Variants in TRPM3 observed in about 807,000 individuals in gnomAD.
TRPM3 encodes transient receptor potential cation channel subfamily M member 3.
TRPM3 carries 77 observed loss-of-function variants against 181.2 expected under a neutral mutation model. That is an observed-to-expected ratio of 0.42 (90% CI 0.35 to 0.51). The LOEUF is 0.51. TRPM3 is among the 20% of genes least tolerant of loss of function. TRPM3 has a pLI of 0.01. For missense variants in TRPM3, 1,759 were observed against 2,196.7 expected (o/e 0.80, Z 3.98); for synonymous variants, 745 against 796.4 (o/e 0.94, Z 1.09).
intron 1 of TRPM3, among the ~76,000 whole-genome samples, chr9:71,424,959 G>C (rs2093837261): frequency 6.6e-6 from 1 of 152,004 alleles, no homozygotes; most frequent in Admixed American, 6.6e-5. Context: ...AATTCACATA[G>C]AATTCATATT....
intron 8 of TRPM3, among the ~76,000 whole-genome samples, chr9:70,739,749 G>A (rs1199147318): frequency 6.6e-6 from 1 of 151,996 alleles, no homozygotes; most frequent in Admixed American, 6.6e-5. Context: ...TCCTGATTAG[G>A]TGGGATTAGA....
chr9:71,204,567 G>C (rs1218658325), intron 1 of TRPM3, among the ~76,000 whole-genome samples: 2 of 152,116 alleles, frequency 1.3e-5, no homozygotes, highest in Admixed American at 1.3e-4. Context: ...GAAACAACAG[G>C]TGCTGGAGAG....
chr9:70,913,429 T>G (rs2096558912), intron 1 of TRPM3, among the ~76,000 whole-genome samples: 1 of 152,080 alleles, frequency 6.6e-6, no homozygotes, highest in African/African-American at 2.4e-5. Context: ...TACTTATCAC[T>G]GCCACAATTG....
intron 1 of TRPM3, among the ~76,000 whole-genome samples, chr9:71,028,735 G>C (rs1398955096): frequency 6.6e-6 from 1 of 151,836 alleles, no homozygotes. Context: ...AAGGGTAAAG[G>C]GTTCAATTCA....
intron 24 of TRPM3, among the ~76,000 whole-genome samples, chr9:70,550,375 G>A (rs1315593957): frequency 6.6e-6 from 1 of 152,200 alleles, no homozygotes; most frequent in African/African-American, 2.4e-5. Context: ...AAGCACAAAA[G>A]GAATAGCTGA....
At chr9:71,212,709 C>T (rs2079581545) in intron 1 of TRPM3, among the ~76,000 whole-genome samples, 1 of 152,112 alleles carries the variant, frequency 6.6e-6, no homozygotes, top group Admixed American at 6.5e-5. Context: ...CATGAATGTA[C>T]ATCAGGTGGT....
At chr9:70,756,017 G>A (rs1468279098) in intron 8 of TRPM3, among the ~76,000 whole-genome samples, 1 of 151,990 alleles carries the variant, frequency 6.6e-6, no homozygotes, top group Non-Finnish European at 1.5e-5. Flanking sequence ...CCAATTAAAA[G>A]ACACAAACTT....
chr9:70,659,128 C>T (rs1018445499), intron 9 of TRPM3, among the ~76,000 whole-genome samples: 3 of 152,100 alleles, frequency 2.0e-5, no homozygotes, highest in Non-Finnish European at 4.4e-5. Context: ...TAATAAGAAG[C>T]TGTTTTCCTT....
chr9:71,376,015 A>G (rs372674903), intron 1 of TRPM3, among the ~76,000 whole-genome samples: 2 of 152,066 alleles, frequency 1.3e-5, no homozygotes, highest in Admixed American at 1.3e-4. Context: ...ATATCTGTGT[A>G]TTATACTGTA....
At chr9:71,221,211 A>G (rs971939553) in intron 1 of TRPM3, among the ~76,000 whole-genome samples, 1 of 152,188 alleles carries the variant, frequency 6.6e-6, no homozygotes. Context: ...TCTACTCTCA[A>G]TGCAGTTGCT....
At chr9:70,940,035 T>C (rs2096870313) in intron 1 of TRPM3, among the ~76,000 whole-genome samples, 1 of 152,206 alleles carries the variant, frequency 6.6e-6, no homozygotes, top group African/African-American at 2.4e-5. Context: ...TGGGTGGCTT[T>C]AACCACCTTG....
At chr9:71,182,559 C>G (rs1004136372) in intron 1 of TRPM3, among the ~76,000 whole-genome samples, 1 of 152,044 alleles carries the variant, frequency 6.6e-6, no homozygotes, top group African/African-American at 2.4e-5. Context: ...CCTATTTATC[C>G]TAAAAGACAC....
intron 1 of TRPM3, among the ~76,000 whole-genome samples, chr9:70,969,281 G>A (rs2097215116): frequency 6.6e-6 from 1 of 151,922 alleles, no homozygotes; most frequent in Admixed American, 6.6e-5. Context: ...TCAGGGGGTG[G>A]GGGGCTAGGG....
At chr9:70,977,050 A>C (rs1292004477) in intron 1 of TRPM3, among the ~76,000 whole-genome samples, 1 of 152,222 alleles carries the variant, frequency 6.6e-6, no homozygotes, top group Non-Finnish European at 1.5e-5. Flanking sequence ...AATATTTAAG[A>C]AACATATGTG....
At chr9:71,387,448 T>C (rs1281955890) in intron 1 of TRPM3, among the ~76,000 whole-genome samples, 1 of 152,156 alleles carries the variant, frequency 6.6e-6, no homozygotes, top group Non-Finnish European at 1.5e-5. Context: ...TCTTAACTTA[T>C]ACCAACAGCC....
Position 71,383,084 on chromosome 9 carries a change from C to T in TRPM3, c.183+63569G>A, listed in dbSNP as rs139457522. ...TTTTTAAACTTTAATCATACCCTAACATTAATAACACTCAATTTTGCTTTT... is the reference window on the plus strand; with the variant it reads ...TTTTTAAACTTTAATCATACCCTAATATTAATAACACTCAATTTTGCTTTT... On this transcript the variant is annotated intron_variant, in intron 1 of 24. Coordinates refer to the TRPM3 transcript ENST00000357533. 6.5e-3 allele frequency among the ~76,000 whole-genome samples: 986 copies of T among 152,262 alleles called. 16 individuals carry two copies. The highest frequency in any genetic ancestry group is 0.023 in the African/African-American group (942 of 41,562).
rs1440538533 is a variant in TRPM3, at chr9:70,529,275, C to A, written c.*6678G>T. The A allele has an allele frequency of 6.6e-6, 1 of 152,084 alleles. No homozygotes were observed. The highest frequency in any genetic ancestry group is 1.5e-5 in the Non-Finnish European group (1 of 68,040). 9.4% of individuals were successfully genotyped at this position (152,084 alleles called of 1,614,324 possible). ...TTTATAGTGTCGATAGATATGCATA[C>A]CGTGGTCCATCCATACACAAAGAAG... On this transcript the variant is annotated 3_prime_UTR_variant, in exon 26 of 26. Coordinates refer to ENST00000677713, the MANE Select transcript of TRPM3 (RefSeq NM_001366145.2).
At chr9:71,340,635 T>C (rs927187051) in intron 1 of TRPM3, among the ~76,000 whole-genome samples, 1 of 152,118 alleles carries the variant, frequency 6.6e-6, no homozygotes, top group Non-Finnish European at 1.5e-5. Flanking sequence ...TAAACCTCTT[T>C]CTTTTAGAAA....
intron 1 of TRPM3, among the ~76,000 whole-genome samples, chr9:70,915,866 C>T (rs987038010): frequency 2.6e-5 from 4 of 151,968 alleles, no homozygotes; most frequent in African/African-American, 4.8e-5. Flanking sequence ...AGAATGATAT[C>T]GGTCAATATC....
Sources: allele counts gnomAD v4.1 joint callset (sites outside exome capture counted in the v4.1 genomes callset), GRCh38; gene constraint gnomAD v4.1.1; transcripts MANE v1.5; gene names NCBI Gene and HGNC (gene_info 2026-07-23, HGNC 2026-07-21).